TMEM131: variants seen among roughly 807,000 people sequenced by gnomAD.
TMEM131 encodes the protein transmembrane protein 131.
Under a neutral mutation model 211.6 loss-of-function variants are expected in TMEM131, and 66 were observed. The observed-to-expected ratio is 0.31, with a 90% CI of 0.26 to 0.38. The LOEUF (loss-of-function observed/expected upper bound fraction) is 0.38. Ranked by LOEUF, TMEM131 falls within the 10% of genes least tolerant of loss-of-function variation. The probability of loss-of-function intolerance (pLI) is 1.00; values close to 1 mark genes in which losing one functional copy is unlikely to be tolerated. For missense variants in TMEM131, 2,036 were observed against 2,299.3 expected (o/e 0.89, Z 2.34); for synonymous variants, 844 against 841.3 (o/e 1.00, Z -0.06).
At chr2:97,875,613 T>C (rs773218799) in intron 4 of TMEM131, among the ~76,000 whole-genome samples, 1 of 152,186 alleles carries the variant, frequency 6.6e-6, no homozygotes, top group Non-Finnish European at 1.5e-5. Flanking sequence ...TGCTCCTGAA[T>C]GGCTACTGGG....
chr2:97,780,780 C>T (rs907155283), intron 31 of TMEM131, among the ~76,000 whole-genome samples: 1 of 152,196 alleles, frequency 6.6e-6, no homozygotes, highest in African/African-American at 2.4e-5. Context: ...GGAACCACAA[C>T]TTAACTGGTG....
intron 25 of TMEM131, among the ~76,000 whole-genome samples, chr2:97,800,116 T>C (rs1423385284): frequency 6.6e-6 from 1 of 152,200 alleles, no homozygotes; most frequent in Non-Finnish European, 1.5e-5. Flanking sequence ...CAGTTTCTAA[T>C]ATGGCAAAAC....
intron 12 of TMEM131, 135 bp downstream of exon 12, chr2:97,818,478 G>GA: frequency 3.2e-6 from 1 of 311,928 alleles, no homozygotes; most frequent in Non-Finnish European, 6.1e-6. Flanking sequence ...GGGGGCGGGG[G>GA]GGGATCAACC....
At chr2:97,766,771 C>T (rs903112954) in intron 33 of TMEM131, among the ~76,000 whole-genome samples, 169 bp from the exon 34 acceptor site, 8 of 152,204 alleles carry the variant, frequency 5.3e-5, no homozygotes, top group African/African-American at 9.7e-5. Flanking sequence ...GCATGCCCAA[C>T]GCTGTAGCTA....
At chr2:97,881,203 G>C (rs567054020) in intron 4 of TMEM131, among the ~76,000 whole-genome samples, 4 of 151,830 alleles carry the variant, frequency 2.6e-5, no homozygotes, top group Non-Finnish European at 5.9e-5. Context: ...CATGCAGACA[G>C]TATCTGGCAT....
At chr2:97,971,664 T>A (rs1031440236) in intron 1 of TMEM131, among the ~76,000 whole-genome samples, 1 of 152,246 alleles carries the variant, frequency 6.6e-6, no homozygotes, top group Admixed American at 6.5e-5. Context: ...TGTAGTCTCA[T>A]TGTTTCTAAT....
chr2:97,776,954 T>C (rs1473127187), intron 31 of TMEM131, among the ~76,000 whole-genome samples: 1 of 152,184 alleles, frequency 6.6e-6, no homozygotes, highest in Non-Finnish European at 1.5e-5. Flanking sequence ...TAATGTTGTG[T>C]ATATATATGG....
chr2:97,850,107 A>G (rs1673549463), intron 5 of TMEM131, among the ~76,000 whole-genome samples: 1 of 151,966 alleles, frequency 6.6e-6, no homozygotes, highest in Non-Finnish European at 1.5e-5. Context: ...CAGTATGAAA[A>G]AAACAAAACA....
chr2:97,952,380 T>C (rs187441588), intron 1 of TMEM131, among the ~76,000 whole-genome samples: 67 of 152,098 alleles, frequency 4.4e-4, no homozygotes, highest in Non-Finnish European at 8.8e-5. Flanking sequence ...CCAGATAGGA[T>C]AAACCCAAAG....
At chr2:97,765,332 G>A (rs554783352) in intron 35 of TMEM131, 4 of 152,418 alleles carry the variant, frequency 2.6e-5, no homozygotes, top group Non-Finnish European at 2.9e-5. Flanking sequence ...TCAGCCCAGT[G>A]AGCCTGCCCT....
chr2:97,758,770 C>G, intron 40 of TMEM131, 123 bp downstream of exon 40: 5 of 1,295,670 alleles, frequency 3.9e-6, no homozygotes, highest in Non-Finnish European at 5.2e-6. Flanking sequence ...AAAGTACTAA[C>G]CCACCCCTCT....
chr2:97,992,777 A>G (rs947137856), intron 1 of TMEM131, among the ~76,000 whole-genome samples: 5 of 152,166 alleles, frequency 3.3e-5, no homozygotes, highest in African/African-American at 1.2e-4. Context: ...CAACTCACAC[A>G]CATTTTTGCT....
intron 31 of TMEM131, among the ~76,000 whole-genome samples, chr2:97,780,188 C>G (rs1679931637): frequency 6.6e-6 from 1 of 152,122 alleles, no homozygotes; most frequent in South Asian, 2.1e-4. Flanking sequence ...TTTCTCTGTC[C>G]CCTGGGAATC....
At position 97,762,264 on chromosome 2, in the gene TMEM131, TTTGAATGTTC is replaced by T. The variant is rs1678893937; in HGVS notation, c.4724-74_4724-65del. On this transcript the variant is annotated intron_variant, in intron 35 of 40. Coordinates refer to ENST00000186436, the MANE Select transcript of TMEM131 (RefSeq NM_015348.2). ...TTTGATTAGCGCTCTTCCAAATCAC[TTTGAATGTTC>T]TCTAAGACTATGCATAACTCAAGCC... is the stretch of plus-strand genomic sequence containing the variant. 4.6e-6 allele frequency: 7 copies of T among 1,525,458 alleles called. No individual in the cohort carries two copies. The South Asian group carries it at 8.1e-5, about 18-fold the overall frequency. The allele number at this position is 1,525,458 out of a possible 1,614,324, so 94.5% of individuals were successfully genotyped here.
At chr2:97,881,438 G>A (rs947861077) in intron 4 of TMEM131, among the ~76,000 whole-genome samples, 14 of 151,660 alleles carry the variant, frequency 9.2e-5, no homozygotes, top group Non-Finnish European at 4.4e-5. Flanking sequence ...AAACTCTTGA[G>A]CTCAAGCAAT....
intron 1 of TMEM131, among the ~76,000 whole-genome samples, chr2:97,928,540 T>G (rs1446162141): frequency 6.6e-6 from 1 of 151,742 alleles, no homozygotes; most frequent in Non-Finnish European, 1.5e-5. Flanking sequence ...CAAAACAATT[T>G]AACTGTATTA....
At chr2:97,892,538 T>C (rs1331948704) in intron 3 of TMEM131, among the ~76,000 whole-genome samples, 1 of 152,188 alleles carries the variant, frequency 6.6e-6, no homozygotes, top group Non-Finnish European at 1.5e-5. Context: ...TTTATTATTA[T>C]TTTTTGTAGA....
At position 97,834,976 on chromosome 2, in the gene TMEM131, A is replaced by C. The variant is rs536112946; in HGVS notation, c.805-51T>G. The C allele has an allele frequency of 5.2e-5, 83 of 1,596,914 alleles. No homozygotes were observed. In the South Asian group the frequency reaches 8.5e-4, roughly 16 times the overall value. ...AGCACAGCTTTTGTAATGTAGCAAAACCACCATTTTTTATTGAACTGGATG... is the reference window on the plus strand; with the variant it reads ...AGCACAGCTTTTGTAATGTAGCAAACCCACCATTTTTTATTGAACTGGATG... On this transcript the variant is annotated intron_variant, in intron 8 of 40. Transcript: ENST00000186436.
At chr2:97,811,506 C>T (rs887763427) in intron 17 of TMEM131, among the ~76,000 whole-genome samples, 17 of 152,156 alleles carry the variant, frequency 1.1e-4, no homozygotes, top group African/African-American at 3.1e-4. Flanking sequence ...TCACTCTTTA[C>T]CCATGGACCT....
Sources: gnomAD v4.1 joint callset for allele counts (sites outside exome capture counted in the v4.1 genomes callset) on GRCh38, gnomAD v4.1.1 for gene constraint, MANE v1.5 for transcripts, NCBI Gene and HGNC (gene_info 2026-07-23, HGNC 2026-07-21) for gene names.